SLC5A4: variants seen among roughly 807,000 people sequenced by gnomAD.
The protein encoded by SLC5A4 is solute carrier family 5 member 4.
A neutral mutation model predicts 70.3 loss-of-function variants in SLC5A4; 55 were observed. The ratio of observed to expected loss-of-function variants is 0.78; its 90% CI spans 0.63 to 0.98. SLC5A4 has a LOEUF of 0.98. SLC5A4 is among the 50% of genes least tolerant of loss of function. The pLI, the probability that SLC5A4 is intolerant of heterozygous loss-of-function variation, is 0.00. For missense variants in SLC5A4, 735 were observed against 839.2 expected, an observed-to-expected ratio of 0.88 and a Z score of 1.53; for synonymous variants, 268 against 305.7, an observed-to-expected ratio of 0.88 and a Z score of 1.29.
chr22:32,291,878 C>CT, the SLC5A4 span, among the ~76,000 whole-genome samples: 11 of 37,096 alleles, frequency 3.0e-4, no homozygotes, highest in South Asian at 7.1e-4. Flanking sequence ...TCTTTTCTAT[C>CT]TTTTTTTTTT....
At chr22:32,352,717 G>A in the SLC5A4 span, among the ~76,000 whole-genome samples, 1 of 152,160 alleles carries the variant, frequency 6.6e-6, no homozygotes, top group South Asian at 2.1e-4. Context: ...GCCACAACTA[G>A]CACCGATGCT....
the SLC5A4 span, among the ~76,000 whole-genome samples, chr22:32,340,130 T>C: frequency 1.9e-3 from 169 of 90,338 alleles, no homozygotes; most frequent in African/African-American, 0.011. Flanking sequence ...TTCCCAGGAA[T>C]CTCTCTCCGA....
At chr22:32,335,054 C>T in the SLC5A4 span, among the ~76,000 whole-genome samples, 4 of 152,164 alleles carry the variant, frequency 2.6e-5, no homozygotes, top group African/African-American at 9.7e-5. Context: ...CCAGGCCCAT[C>T]CTGCCTCCAA....
At chr22:32,291,974 G>A in the SLC5A4 span, among the ~76,000 whole-genome samples, 1 of 144,992 alleles carries the variant, frequency 6.9e-6, no homozygotes, top group South Asian at 2.2e-4. Flanking sequence ...CCGGGTTCAA[G>A]TGATTCTCGT....
upstream of SLC5A4, among the ~76,000 whole-genome samples, chr22:32,256,597 C>T (rs78172540): frequency 0.061 from 9,255 of 152,134 alleles, 546 homozygotes; most frequent in African/African-American, 0.16. Context: ...CTCTCCAGGC[C>T]CTGGTAACCT....
intron 11 of SLC5A4, among the ~76,000 whole-genome samples, chr22:32,228,297 T>C (rs538261937): frequency 7.8e-4 from 118 of 151,612 alleles, no homozygotes; most frequent in African/African-American, 2.7e-3. Context: ...TCCCAGCACT[T>C]TGGGAGGCCG....
chr22:32,353,295 T>C, the SLC5A4 span, among the ~76,000 whole-genome samples: 1 of 151,950 alleles, frequency 6.6e-6, no homozygotes, highest in African/African-American at 2.4e-5. Flanking sequence ...CTCCCAACCC[T>C]AGTGCTGGTT....
chr22:32,286,514 G>A, the SLC5A4 span, among the ~76,000 whole-genome samples: 16 of 152,168 alleles, frequency 1.1e-4, no homozygotes, highest in African/African-American at 3.9e-4. Flanking sequence ...ATCTTTGTAT[G>A]AGCGATAAAC....
At chr22:32,281,137 C>A in the SLC5A4 span, among the ~76,000 whole-genome samples, 1 of 152,224 alleles carries the variant, frequency 6.6e-6, no homozygotes, top group African/African-American at 2.4e-5. Context: ...TCTGTCCCTG[C>A]CTCTCAGGCT....
chr22:32,305,664 A>G, the SLC5A4 span, among the ~76,000 whole-genome samples: 7 of 131,694 alleles, frequency 5.3e-5, 1 homozygote, highest in Admixed American at 5.4e-4. Context: ...AACTGTGTTC[A>G]GCGTGAGGGA....
the SLC5A4 span, among the ~76,000 whole-genome samples, chr22:32,292,162 A>C: frequency 2.7e-5 from 1 of 36,544 alleles, no homozygotes; most frequent in South Asian, 7.1e-4. Context: ...TATTATATAT[A>C]TAATATATAC....
At chr22:32,237,512 T>C (rs943794418) in intron 6 of SLC5A4, among the ~76,000 whole-genome samples, 188 bp from the exon 7 acceptor site, 1 of 152,200 alleles carries the variant, frequency 6.6e-6, no homozygotes, top group Non-Finnish European at 1.5e-5. Flanking sequence ...CTACTTCCCT[T>C]GCCTTGCCCT....
the SLC5A4 span, among the ~76,000 whole-genome samples, chr22:32,346,502 C>T: frequency 1.2e-4 from 18 of 151,558 alleles, no homozygotes; most frequent in Middle Eastern, 3.4e-3. Flanking sequence ...GGTACCAAAA[C>T]GAGATATAGA....
intron 11 of SLC5A4, among the ~76,000 whole-genome samples, chr22:32,227,721 A>C (rs1469768234): frequency 6.6e-6 from 1 of 152,092 alleles, no homozygotes; most frequent in African/African-American, 2.4e-5. Flanking sequence ...GCGGATCACG[A>C]GGTCAAGAGA....
the SLC5A4 span, among the ~76,000 whole-genome samples, chr22:32,293,688 C>A: frequency 6.6e-6 from 1 of 152,112 alleles, no homozygotes; most frequent in Non-Finnish European, 1.5e-5. Flanking sequence ...CCAGATATAA[C>A]CTTCCTGTTG....
chr22:32,306,302 A>G, the SLC5A4 span, among the ~76,000 whole-genome samples: 1 of 130,950 alleles, frequency 7.6e-6, no homozygotes, highest in Non-Finnish European at 1.6e-5. Context: ...TATCTCTACT[A>G]AAAATACAAA....
At chr22:32,353,634 A>G in the SLC5A4 span, among the ~76,000 whole-genome samples, 2 of 151,242 alleles carry the variant, frequency 1.3e-5, no homozygotes, top group African/African-American at 2.4e-5. Context: ...TAGCCCCCAG[A>G]TAGCGCCTCC....
At chr22:32,317,420 A>G in the SLC5A4 span, among the ~76,000 whole-genome samples, 1 of 152,214 alleles carries the variant, frequency 6.6e-6, no homozygotes, top group Non-Finnish European at 1.5e-5. Flanking sequence ...ACAGCAGAAG[A>G]AAGGAACTCA....
the SLC5A4 span, among the ~76,000 whole-genome samples, chr22:32,346,205 A>G: frequency 3.9e-5 from 6 of 152,318 alleles, no homozygotes; most frequent in East Asian, 7.7e-4. Context: ...TTCATAATCA[A>G]TATTGCCAAC....
Sources: gnomAD v4.1 joint callset for allele counts (sites outside exome capture counted in the v4.1 genomes callset) on GRCh38, gnomAD v4.1.1 for gene constraint, MANE v1.5 for transcripts, NCBI Gene and HGNC (gene_info 2026-07-23, HGNC 2026-07-21) for gene names.